Variants in DENND6A observed in about 807,000 individuals in gnomAD.
The protein encoded by DENND6A is protein DENND6A.
DENND6A carries 43 observed loss-of-function variants against 95.5 expected under a neutral mutation model. That is an observed-to-expected ratio of 0.45 (90% CI 0.35 to 0.58). The LOEUF (loss-of-function observed/expected upper bound fraction) is 0.58, where lower values mean the gene tolerates loss of function less well. DENND6A is among the 20% of genes least tolerant of loss of function. DENND6A has a pLI of 0.00. For synonymous variants in DENND6A, 257 were observed against 260.4 expected (o/e 0.99, Z 0.13); for missense variants, 574 against 736.0 (o/e 0.78, Z 2.55).
At chr3:57,675,042 G>T (rs1306790299) in intron 1 of DENND6A, among the ~76,000 whole-genome samples, 1 of 152,058 alleles carries the variant, frequency 6.6e-6, no homozygotes, top group Non-Finnish European at 1.5e-5. Context: ...TTAACACCTG[G>T]GTGATGAAAT....
At chr3:57,689,544 T>C (rs1200498447) in intron 1 of DENND6A, among the ~76,000 whole-genome samples, 1 of 152,082 alleles carries the variant, frequency 6.6e-6, no homozygotes, top group East Asian at 1.9e-4. Context: ...TTCAGTTTCT[T>C]CCTAGCTCAA....
chr3:57,687,425 A>G (rs929903493), intron 1 of DENND6A, among the ~76,000 whole-genome samples: 15 of 152,234 alleles, frequency 9.9e-5, no homozygotes, highest in Admixed American at 7.9e-4. Context: ...TTAAGGAAAG[A>G]AGCTGTCTCC....
chr3:57,673,213 C>CA (rs386396751), intron 1 of DENND6A, among the ~76,000 whole-genome samples: 1,738 of 70,618 alleles, frequency 0.025, 59 homozygotes, highest in African/African-American at 0.098. Context: ...CATTTCGTAT[C>CA]AAAAAAAAAA....
intron 1 of DENND6A, among the ~76,000 whole-genome samples, chr3:57,676,435 A>T (rs1004809746): frequency 1.1e-4 from 16 of 151,912 alleles, no homozygotes; most frequent in Non-Finnish European, 1.0e-4. Flanking sequence ...CTTAGAAAAA[A>T]TCCTTCTCTA....
intron 1 of DENND6A, among the ~76,000 whole-genome samples, chr3:57,690,562 T>C (rs2077254217): frequency 6.6e-6 from 1 of 151,842 alleles, no homozygotes; most frequent in Non-Finnish European, 1.5e-5. Context: ...CATGCACCTG[T>C]AGTCCCAGCT....
intron 1 of DENND6A, among the ~76,000 whole-genome samples, chr3:57,692,471 G>A (rs1275068091): frequency 6.6e-6 from 1 of 152,202 alleles, no homozygotes; most frequent in Non-Finnish European, 1.5e-5. Flanking sequence ...GCTTCTCCGG[G>A]TGGGTGCTAC....
Position 57,663,660 on chromosome 3 carries a change from A to C in DENND6A, c.489T>G (p.Thr163=). The C allele has an allele frequency of 1.9e-6, 3 of 1,587,356 alleles. No individual in the cohort carries two copies. Among genetic ancestry groups the C allele is most frequent in the Non-Finnish European group, 1.7e-6 (2 of 1,166,292 alleles). The change falls in exon 5 of 20, where the codon ACT becomes ACG. Residue 163 remains threonine (T), a synonymous_variant. Coordinates refer to ENST00000311128, the MANE Select transcript of DENND6A (RefSeq NM_152678.3). ...YVYFRQVRDK[T]LKRGYFQKSL... is the part of the protein sequence containing the mutation. ...CCTTCTGAAAGTAGCCTCTTTTTAG[A>C]GTTTTATCTCGAACTTGTCGGAAAT... is the stretch of plus-strand genomic sequence containing the variant.
intron 9 of DENND6A, 124 bp downstream of exon 9, chr3:57,657,556 T>G: frequency 1.6e-6 from 1 of 633,008 alleles, no homozygotes; most frequent in South Asian, 1.9e-5. Context: ...ATTTATAACA[T>G]GTAAAACATA....
At chr3:57,659,415 G>C (rs975645644) in intron 7 of DENND6A, among the ~76,000 whole-genome samples, 2 of 152,132 alleles carry the variant, frequency 1.3e-5, no homozygotes, top group Non-Finnish European at 1.5e-5. Flanking sequence ...TGAGAAGCAA[G>C]TATGTTGAAA....
intron 1 of DENND6A, among the ~76,000 whole-genome samples, chr3:57,677,347 C>A (rs1240275791): frequency 1.3e-5 from 2 of 151,534 alleles, no homozygotes; most frequent in African/African-American, 4.9e-5. Flanking sequence ...GTCAGGCTTA[C>A]CTGTGAACTT....
At chr3:57,641,530 TAC>T in intron 12 of DENND6A, 121 bp downstream of exon 12, 2 of 668,122 alleles carry the variant, frequency 3.0e-6, no homozygotes, top group Non-Finnish European at 2.3e-6. Context: ...CAGGAAATTA[TAC>T]CCTTCTCCAA....
chr3:57,660,630 C>T, intron 7 of DENND6A, 130 bp downstream of exon 7: 1 of 676,380 alleles, frequency 1.5e-6, no homozygotes, highest in South Asian at 3.5e-5. Context: ...ATTGCTTGAG[C>T]CCGGAAAGTT....
rs1179535324 is a variant in DENND6A at position 57,673,222 on chromosome 3, AAAAAAAAAAAGAAAGAAAAAG to A, written c.238-805_238-785del. On this transcript the variant is annotated intron_variant, in intron 1 of 19. Coordinates refer to ENST00000311128, the MANE Select transcript of DENND6A (RefSeq NM_152678.3). ...GAATGACATTTCGTATCAAAAAAAA[AAAAAAAAAAAGAAAGAAAAAG>A]AAAAAAAAAAAATAATGAAATCCTG... Among the ~76,000 whole-genome samples the A allele has an allele frequency of 5.3e-5, 8 of 150,372 alleles. No homozygotes were observed. In the East Asian group the frequency reaches 1.5e-3, roughly 29 times the overall value.
At chr3:57,639,700 C>A (rs1324442465) in intron 12 of DENND6A, among the ~76,000 whole-genome samples, 1 of 152,026 alleles carries the variant, frequency 6.6e-6, no homozygotes, top group African/African-American at 2.4e-5. Flanking sequence ...TCCTAGCAGA[C>A]AAAAAATTTG....
intron 11 of DENND6A, among the ~76,000 whole-genome samples, chr3:57,642,085 C>T (rs1348480371): frequency 1.3e-5 from 2 of 151,890 alleles, no homozygotes; most frequent in Non-Finnish European, 2.9e-5. Flanking sequence ...GAGGCTGAGG[C>T]GGGCAGATCA....
At chr3:57,641,842 T>C (rs2070948123) in intron 11 of DENND6A, 95 bp from the exon 12 acceptor site, 2 of 983,668 alleles carry the variant, frequency 2.0e-6, no homozygotes, top group Admixed American at 2.4e-5. Context: ...CAATGAACAA[T>C]ACACAGATTG....
intron 1 of DENND6A, among the ~76,000 whole-genome samples, chr3:57,686,238 A>G (rs778007212): frequency 2.4e-4 from 37 of 152,316 alleles, no homozygotes; most frequent in Non-Finnish European, 4.1e-4. Flanking sequence ...AAAGTTACAT[A>G]ATGGTGTAGA....
chr3:57,652,638 A>G (rs893227174), intron 9 of DENND6A, among the ~76,000 whole-genome samples: 2 of 152,232 alleles, frequency 1.3e-5, no homozygotes, highest in African/African-American at 4.8e-5. Flanking sequence ...CCTAATTACA[A>G]AAGAAAAAAC....
intron 11 of DENND6A, among the ~76,000 whole-genome samples, chr3:57,642,803 C>T (rs551907439): frequency 7.9e-5 from 12 of 152,064 alleles, no homozygotes; most frequent in Admixed American, 2.0e-4. Flanking sequence ...GTCAGGAGTT[C>T]GAGACCAACC....
Sources: gnomAD v4.1 joint callset for allele counts (sites outside exome capture counted in the v4.1 genomes callset) on GRCh38, gnomAD v4.1.1 for gene constraint, MANE v1.5 for transcripts, NCBI Gene and HGNC (gene_info 2026-07-23, HGNC 2026-07-21) for gene names.